The following RGPD8 variants were observed in gnomAD, a reference collection of about 807,000 sequenced individuals.
RGPD8 encodes RANBP2 like and GRIP domain containing 8.
RGPD8 carries 15 observed loss-of-function variants against 89.1 expected under a neutral mutation model. That is an observed-to-expected ratio of 0.17 (90% CI 0.11 to 0.26). The LOEUF is 0.26. Ranked by LOEUF, RGPD8 falls within the 10% of genes least tolerant of loss-of-function variation. The pLI is 1.00. For synonymous variants in RGPD8, 62 were observed against 420.9 expected, an observed-to-expected ratio of 0.15 and a Z score of 10.44; for missense variants, 178 against 1,179.6, an observed-to-expected ratio of 0.15 and a Z score of 12.44.
intron 22 of RGPD8, among the ~76,000 whole-genome samples, chr2:112,374,794 GTTTT>G (rs1678068988): frequency 8.2e-6 from 1 of 122,556 alleles, no homozygotes; most frequent in African/African-American, 3.0e-5. Flanking sequence ...TCCCACTCTT[GTTTT>G]TTGTTTCTCC....
chr2:112,389,980 C>G lies in RGPD8; in HGVS notation c.2965G>C (p.Asp989His), dbSNP rs748147856. Reference sequence around the variant, plus strand: ...CCTGAAAATCCCTTGAAATTGAGGTCTTTTTTGCCAAACTGAAATCCTTCT... The same window carrying G: ...CCTGAAAATCCCTTGAAATTGAGGTGTTTTTTGCCAAACTGAAATCCTTCT... ...SGEGFQFGKK[D>H]LNFKGFSGAG... The change falls in exon 20 of 23, where the codon GAC (aspartate) becomes CAC (histidine). Residue 989 changes from aspartate to histidine, a missense_variant. Asp to His is a moderately conservative substitution (Grantham distance 81). Coordinates refer to ENST00000302558, the MANE Select transcript of RGPD8 (RefSeq NM_001164463.1). The G allele has an allele frequency of 5.1e-6, 8 of 1,560,100 alleles. 1 individual carries two copies. Among genetic ancestry groups the G allele is most frequent in the South Asian group, 2.3e-5 (2 of 88,516 alleles).
chr2:112,426,946 G>T (rs1045044071), intron 1 of RGPD8, among the ~76,000 whole-genome samples: 2 of 151,000 alleles, frequency 1.3e-5, no homozygotes, highest in African/African-American at 4.9e-5. Flanking sequence ...ACAGGCGCAC[G>T]CCACCATGCC....
At chr2:112,428,912 A>G (rs1558992015) in intron 1 of RGPD8, among the ~76,000 whole-genome samples, 1 of 151,938 alleles carries the variant, frequency 6.6e-6, no homozygotes, top group African/African-American at 2.4e-5. Flanking sequence ...TAACCTGCAC[A>G]ATGTGCACAT....
chr2:112,431,840 A>C lies in RGPD8; in HGVS notation c.72+1542T>G, dbSNP rs563635926. Reference sequence around the variant, plus strand: ...TTTTTAGTAGAGACAAGGTTTCAACATGTTAGCCAGGCTGGTCTCGAACTC... The same window carrying C: ...TTTTTAGTAGAGACAAGGTTTCAACCTGTTAGCCAGGCTGGTCTCGAACTC... On this transcript the variant is annotated intron_variant, in intron 1 of 22. Transcript: ENST00000302558. Among the ~76,000 whole-genome samples the C allele has an allele frequency of 5.3e-5, 8 of 152,278 alleles. No homozygotes were observed. The South Asian group carries it at 1.7e-3, about 32-fold the overall frequency.
intron 7 of RGPD8, among the ~76,000 whole-genome samples, chr2:112,408,592 C>T (rs1215396148): frequency 6.7e-6 from 1 of 150,146 alleles, no homozygotes; most frequent in Non-Finnish European, 1.5e-5. Flanking sequence ...GCCTCTTTTA[C>T]AAAATTATTC....
chr2:112,424,405 T>A (rs1679671893), intron 1 of RGPD8, 98 bp from the exon 2 acceptor site: 6 of 1,079,640 alleles, frequency 5.6e-6, no homozygotes, highest in Non-Finnish European at 6.6e-6. Context: ...TAATTCCATG[T>A]TTTATAATTT....
intron 22 of RGPD8, among the ~76,000 whole-genome samples, chr2:112,374,858 CTTTT>C (rs780008775): frequency 2.3e-4 from 24 of 103,424 alleles, no homozygotes; most frequent in African/African-American, 5.9e-4. Flanking sequence ...AGTTTACATT[CTTTT>C]TTTTTTTTTT....
intron 21 of RGPD8, among the ~76,000 whole-genome samples, chr2:112,380,589 C>T (rs1352897374): frequency 1.4e-5 from 2 of 141,638 alleles, no homozygotes; most frequent in African/African-American, 5.2e-5. Flanking sequence ...GGAGGTGGAG[C>T]TTGCAGTGAG....
intron 18 of RGPD8, chr2:112,393,051 TTGATA>T (rs1678765234): frequency 2.9e-6 from 1 of 342,432 alleles, no homozygotes; most frequent in African/African-American, 2.5e-5. Context: ...AAGGACCATC[TTGATA>T]TATGTTTACT....
intron 1 of RGPD8, among the ~76,000 whole-genome samples, chr2:112,430,837 G>T (rs568633866): frequency 2.6e-5 from 4 of 152,146 alleles, no homozygotes; most frequent in African/African-American, 9.6e-5. Flanking sequence ...CATGCCTGTA[G>T]TCTCAGCTAC....
At chr2:112,432,957 C>G (rs1469740046) in intron 1 of RGPD8, among the ~76,000 whole-genome samples, 229 of 107,506 alleles carry the variant, frequency 2.1e-3, no homozygotes, top group Non-Finnish European at 3.0e-3. Context: ...AGGCCGCCGC[C>G]GGGCCGGGTC....
chr2:112,426,164 A>G (rs1679759736), intron 1 of RGPD8, among the ~76,000 whole-genome samples: 1 of 152,116 alleles, frequency 6.6e-6, no homozygotes, highest in African/African-American at 2.4e-5. Flanking sequence ...AGGAAGCACT[A>G]TATGGCTTCT....
At chr2:112,382,189 C>T (rs1316205407) in intron 20 of RGPD8, among the ~76,000 whole-genome samples, 2 of 152,310 alleles carry the variant, frequency 1.3e-5, no homozygotes, top group African/African-American at 4.8e-5. Context: ...GACTGGCTCT[C>T]GTTGCTCCTC....
At chr2:112,381,840 A>G (rs1242744679) in intron 20 of RGPD8, among the ~76,000 whole-genome samples, 2 of 152,046 alleles carry the variant, frequency 1.3e-5, no homozygotes, top group Admixed American at 6.6e-5. Context: ...CTAGCATTTT[A>G]TTTTAAAAAA....
intron 6 of RGPD8, among the ~76,000 whole-genome samples, chr2:112,414,234 G>C (rs1225420011): frequency 7.4e-6 from 1 of 135,244 alleles, no homozygotes; most frequent in Non-Finnish European, 1.6e-5. Context: ...CCAGCACTTT[G>C]GGAGGCCGAG....
chr2:112,426,129 G>T (rs1334597419), intron 1 of RGPD8, among the ~76,000 whole-genome samples: 1 of 151,898 alleles, frequency 6.6e-6, no homozygotes, highest in Non-Finnish European at 1.5e-5. Flanking sequence ...TCTTTCCTAA[G>T]TCAAAAACTC....
At chr2:112,374,756 G>A (rs372352523) in intron 22 of RGPD8, among the ~76,000 whole-genome samples, 4 of 136,658 alleles carry the variant, frequency 2.9e-5, no homozygotes, top group East Asian at 2.4e-4. Flanking sequence ...TTAGAACTTC[G>A]ATTAGTAAAA....
intron 7 of RGPD8, among the ~76,000 whole-genome samples, chr2:112,410,632 G>C (rs1255742923): frequency 2.7e-5 from 4 of 150,284 alleles, no homozygotes; most frequent in African/African-American, 1.0e-4. Flanking sequence ...CAAAAAATTA[G>C]CCAGGCATGG....
rs545727659 is a variant in RGPD8 at position 112,376,587 on chromosome 2, G to A, written c.5263+1466C>T. On this transcript the variant is annotated intron_variant, in intron 22 of 22. Coordinates refer to ENST00000302558, the MANE Select transcript of RGPD8 (RefSeq NM_001164463.1). ...TCCCAGCACTTTGGGAGGCCAAGGC[G>A]GGCAGATCACAAGGTCAGGAGATTG... Among the ~76,000 whole-genome samples the A allele has an allele frequency of 7.8e-3, 1,115 of 142,360 alleles. 7 individuals carry two copies. The highest frequency in any genetic ancestry group is 0.028 in the African/African-American group (1,065 of 38,684). The allele number at this position is 142,360 out of a possible 152,430, so 93.4% of individuals were successfully genotyped here.
Sources: allele counts gnomAD v4.1 joint callset (sites outside exome capture counted in the v4.1 genomes callset), GRCh38; gene constraint gnomAD v4.1.1; transcripts MANE v1.5; gene names NCBI Gene and HGNC (gene_info 2026-07-23, HGNC 2026-07-21).